The following SERINC3 variants were observed in gnomAD, a reference collection of about 807,000 sequenced individuals.
SERINC3 encodes tumor differentially expressed protein 1.
Under a neutral mutation model 52.1 loss-of-function variants are expected in SERINC3, and 22 were observed. The ratio of observed to expected loss-of-function variants is 0.42; its 90% confidence interval spans 0.30 to 0.60. The LOEUF (loss-of-function observed/expected upper bound fraction) is 0.60. Among genes scored for constraint, SERINC3 ranks in the 20% least tolerant of loss-of-function variants. The pLI is 0.16. For synonymous variants in SERINC3, 226 were observed against 212.7 expected (o/e 1.06, Z -0.54); for missense variants, 564 against 584.6 (o/e 0.96, Z 0.36).
intron 1 of SERINC3, among the ~76,000 whole-genome samples, chr20:44,520,128 CAGA>C (rs1352428562): frequency 7.9e-5 from 12 of 152,210 alleles, no homozygotes; most frequent in South Asian, 2.1e-4. Flanking sequence ...GGACAAAGTT[CAGA>C]AGAACTTTTG....
Position 44,506,932 on chromosome 20 carries a change from T to G in SERINC3, c.678A>C (p.Thr226=). The G allele has an allele frequency of 6.2e-7, 1 of 1,613,422 alleles. No homozygotes were observed. Among genetic ancestry groups the G allele is most frequent in the African/African-American group, 1.3e-5 (1 of 74,972 alleles). Residue 226 remains threonine (T), a synonymous_variant, in exon 6 of 10, where the codon ACA becomes ACC. Coordinates refer to ENST00000342374, the MANE Select transcript of SERINC3 (RefSeq NM_006811.4). ...TGCAGCCATCTGGTTTGGTGTAATA[T>G]GTATAGAGCAGCCCGACACAGATGA... The part of the protein sequence containing the change: ...LSIICVGLLY[T]YYTKPDGCTE...
At position 44,503,381 on chromosome 20, in the gene SERINC3, C is replaced by T. The variant is rs1419482618; in HGVS notation, c.1055+434G>A. Among the ~76,000 whole-genome samples, 3 of 152,212 alleles carry T rather than the reference C, an allele frequency of 2.0e-5. No homozygotes were observed. In the East Asian group the frequency reaches 5.8e-4, roughly 29 times the overall value. ...ACTTACTACAGGCTGGGCATGGTGG[C>T]TCACACCTGTAATCCCAGCACTTTG... On this transcript the variant is annotated intron_variant, in intron 8 of 9. Coordinates refer to ENST00000342374, the MANE Select transcript of SERINC3 (RefSeq NM_006811.4).
intron 9 of SERINC3, 63 bp downstream of exon 9, chr20:44,501,010 T>G: frequency 7.4e-5 from 89 of 1,201,540 alleles, no homozygotes; most frequent in East Asian, 9.4e-5. Flanking sequence ...GGACAATGGA[T>G]GAGATTTTAT....
chr20:44,517,997 C>T (rs974883714), intron 1 of SERINC3, among the ~76,000 whole-genome samples: 2 of 152,142 alleles, frequency 1.3e-5, no homozygotes, highest in African/African-American at 4.8e-5. Context: ...TCCCTTTTCC[C>T]AAAATCCTCA....
intron 1 of SERINC3, among the ~76,000 whole-genome samples, chr20:44,516,147 C>A (rs1429258280): frequency 6.6e-6 from 1 of 151,798 alleles, no homozygotes; most frequent in Admixed American, 6.6e-5. Flanking sequence ...ACTAAAAATA[C>A]AAAAATTAGC....
At position 44,520,604 on chromosome 20, in the gene SERINC3, G is replaced by A. The variant is rs968291249; in HGVS notation, c.39+1309C>T. On this transcript the variant is annotated intron_variant, in intron 1 of 9. Coordinates refer to ENST00000342374, the MANE Select transcript of SERINC3 (RefSeq NM_006811.4). ...ACAATAAACACTGGAGAGTCCAAGA[G>A]TGGGGAAGGACGGTGGGGGGATAGG... is the stretch of plus-strand genomic sequence containing the variant. Among the ~76,000 whole-genome samples, 3 of 152,114 alleles carry A rather than the reference G, an allele frequency of 2.0e-5. No homozygotes were observed. In the East Asian group the frequency reaches 5.8e-4, roughly 29 times the overall value.
intron 1 of SERINC3, among the ~76,000 whole-genome samples, chr20:44,517,727 G>C (rs573450116): frequency 6.6e-6 from 1 of 152,110 alleles, no homozygotes; most frequent in Non-Finnish European, 1.5e-5. Context: ...TAAGCCACTC[G>C]GTCTGTGGTA....
chr20:44,510,256 G>A (rs1487790494), intron 4 of SERINC3, among the ~76,000 whole-genome samples: 1 of 152,154 alleles, frequency 6.6e-6, no homozygotes, highest in East Asian at 1.9e-4. Flanking sequence ...TGGGACCTGA[G>A]TTCCAAATGA....
rs538669085 is a variant in SERINC3, at chr20:44,505,684, C to T, written c.784-793G>A. ...CGCAATCTCAGCTCACTGCTACCTC[C>T]GCCTCCAGGGTTCAGGCTATTCTCC... On this transcript the variant is annotated intron_variant, in intron 6 of 9. Coordinates refer to ENST00000342374, the MANE Select transcript of SERINC3 (RefSeq NM_006811.4). Among the ~76,000 whole-genome samples the T allele has an allele frequency of 2.1e-3, 314 of 151,934 alleles. 1 individual carries two copies. The highest frequency in any genetic ancestry group is 6.9e-3 in the African/African-American group (285 of 41,444).
intron 7 of SERINC3, 87 bp from the exon 8 acceptor site, chr20:44,504,082 G>A: frequency 9.2e-7 from 1 of 1,085,856 alleles, no homozygotes; most frequent in Non-Finnish European, 1.3e-6. Context: ...ATATCATTCA[G>A]TCATGATGTG....
chr20:44,517,196 T>G (rs1017977131), intron 1 of SERINC3, among the ~76,000 whole-genome samples: 7 of 152,202 alleles, frequency 4.6e-5, no homozygotes, highest in Non-Finnish European at 1.5e-5. Flanking sequence ...AAGAACCTAG[T>G]ATAATGCCTG....
rs2064266006 is a variant in SERINC3 at position 44,499,367 on chromosome 20, T to C, written c.*929A>G. 6.6e-6 allele frequency: 1 copy of C among 152,360 alleles called. No homozygotes were observed. The highest frequency in any genetic ancestry group is 1.5e-5 in the Non-Finnish European group (1 of 68,028). The allele number at this position is 152,360 out of a possible 1,614,324, so 9.4% of individuals were successfully genotyped here. On this transcript the variant is annotated 3_prime_UTR_variant, in exon 10 of 10. Coordinates refer to ENST00000342374, the MANE Select transcript of SERINC3 (RefSeq NM_006811.4). The stretch of plus-strand genomic sequence containing the variant: ...ACTTTGCTCACTAGTCAGACCGTAA[T>C]TTTTAGAAGGAATAGGAGCATCCTG...
chr20:44,512,608 C>T (rs1384382846), intron 3 of SERINC3, among the ~76,000 whole-genome samples, 193 bp downstream of exon 3: 1 of 152,016 alleles, frequency 6.6e-6, no homozygotes, highest in Non-Finnish European at 1.5e-5. Context: ...GACAAGACCC[C>T]CTATCCCCTC....
chr20:44,500,928 G>T, intron 9 of SERINC3, 145 bp downstream of exon 9: 1 of 631,328 alleles, frequency 1.6e-6, no homozygotes, highest in Non-Finnish European at 2.8e-6. Context: ...GGTTTTAAAT[G>T]CTAGAGGGGA....
chr20:44,502,338 A>G (rs1015115717), intron 8 of SERINC3, among the ~76,000 whole-genome samples: 1 of 152,138 alleles, frequency 6.6e-6, no homozygotes, highest in African/African-American at 2.4e-5. Flanking sequence ...TATAATCCCA[A>G]CTACTTGAGA....
At chr20:44,521,740 T>C (rs1292091076) in intron 1 of SERINC3, among the ~76,000 whole-genome samples, 173 bp downstream of exon 1, 2 of 152,232 alleles carry the variant, frequency 1.3e-5, no homozygotes, top group African/African-American at 4.8e-5. Context: ...GCGAGCCGCC[T>C]AAGCTGGACC....
At chr20:44,517,441 T>C (rs2064387416) in intron 1 of SERINC3, among the ~76,000 whole-genome samples, 1 of 151,932 alleles carries the variant, frequency 6.6e-6, no homozygotes, top group Non-Finnish European at 1.5e-5. Context: ...TTATATGGAG[T>C]AGAGTGAGCA....
Position 44,516,401 on chromosome 20 carries a change from C to CT in SERINC3, c.40-2362dup, listed in dbSNP as rs532230756. Among the ~76,000 whole-genome samples, 1,274 of 151,004 alleles carry CT rather than the reference C, an allele frequency of 8.4e-3. 12 individuals carry two copies. Among genetic ancestry groups the CT allele is most frequent in the African/African-American group, 0.027 (1,122 of 41,190 alleles). ...TTTTATTTCTTTTTTTCTTTTCTTT[C>CT]TTTTTTTTTGAGACAGGTTCTCACT... On this transcript the variant is annotated intron_variant, in intron 1 of 9. Transcript: ENST00000342374.
chr20:44,510,264 T>C (rs1429869730), intron 4 of SERINC3, among the ~76,000 whole-genome samples: 1 of 152,198 alleles, frequency 6.6e-6, no homozygotes, highest in Admixed American at 6.5e-5. Context: ...GAGTTCCAAA[T>C]GATACTATAA....
Sources: gnomAD v4.1 joint callset for allele counts (sites outside exome capture counted in the v4.1 genomes callset) on GRCh38, gnomAD v4.1.1 for gene constraint, MANE v1.5 for transcripts, NCBI Gene and HGNC (gene_info 2026-07-23, HGNC 2026-07-21) for gene names.